RBFOX1: variants seen among roughly 807,000 people sequenced by gnomAD.
RBFOX1 encodes RNA binding fox-1 homolog 1.
In RBFOX1, 8 loss-of-function variants were observed where a neutral mutation model predicts 57.7. The ratio of observed to expected loss-of-function variants is 0.14; its 90% CI spans 0.08 to 0.25. The LOEUF (loss-of-function observed/expected upper bound fraction) is 0.25. Ranked by LOEUF, RBFOX1 falls within the 10% of genes least tolerant of loss-of-function variation. RBFOX1 has a pLI of 1.00. For synonymous variants in RBFOX1, 326 were observed against 222.4 expected, an observed-to-expected ratio of 1.47 and a Z score of -4.15; for missense variants, 611 against 548.5, an observed-to-expected ratio of 1.11 and a Z score of -1.14.
chr16:5,737,458 C>A (rs183901547), intron 3 of RBFOX1, among the ~76,000 whole-genome samples: 2 of 151,124 alleles, frequency 1.3e-5, no homozygotes, highest in African/African-American at 4.9e-5. Context: ...TACACTGCAG[C>A]GTGGGCAACA....
intron 3 of RBFOX1, among the ~76,000 whole-genome samples, chr16:5,761,816 G>T (rs111296278): frequency 6.6e-6 from 1 of 152,180 alleles, no homozygotes; most frequent in Non-Finnish European, 1.5e-5. Context: ...AAGACATTCA[G>T]TGTCAGCAGG....
At chr16:6,732,419 C>A (rs528127822) in intron 3 of RBFOX1, among the ~76,000 whole-genome samples, 1 of 152,336 alleles carries the variant, frequency 6.6e-6, no homozygotes, top group East Asian at 1.9e-4. Context: ...GGCCCAAGCA[C>A]CTGCACTGCA....
intron 14 of RBFOX1, among the ~76,000 whole-genome samples, chr16:7,691,968 G>C (rs927179036): frequency 6.6e-6 from 1 of 152,164 alleles, no homozygotes; most frequent in African/African-American, 2.4e-5. Flanking sequence ...TATCATACCT[G>C]TAGTTAGGAA....
intron 4 of RBFOX1, among the ~76,000 whole-genome samples, chr16:7,432,032 C>G (rs927843612): frequency 6.6e-6 from 1 of 152,206 alleles, no homozygotes. Context: ...ACTTGCTTTC[C>G]TTACACCCAG....
chr16:7,252,020 G>C (rs917220333), intron 4 of RBFOX1, among the ~76,000 whole-genome samples: 2 of 152,166 alleles, frequency 1.3e-5, no homozygotes, highest in African/African-American at 4.8e-5. Flanking sequence ...TACAGTATTT[G>C]GGTGGTGAGA....
At chr16:5,452,795 C>T (rs575014811) in intron 1 of RBFOX1, among the ~76,000 whole-genome samples, 4 of 152,198 alleles carry the variant, frequency 2.6e-5, no homozygotes, top group African/African-American at 9.6e-5. Context: ...AGGCGTGCAC[C>T]ACCACACCTG....
chr16:7,634,821 G>C lies in RBFOX1; in HGVS notation c.757+4138G>C, dbSNP rs111372450. On this transcript the variant is annotated intron_variant, in intron 11 of 15. Coordinates refer to ENST00000550418, the MANE Select transcript of RBFOX1 (RefSeq NM_018723.4). ...CGTCCTAATAAACTACTCTCATCCA[G>C]AGTGTAAAATGGGCCTGCTTTCTAT... is the stretch of plus-strand genomic sequence containing the variant. Among the ~76,000 whole-genome samples, 9 of 152,314 alleles carry C rather than the reference G, an allele frequency of 5.9e-5. No homozygotes were observed. In the South Asian group the frequency reaches 1.9e-3, roughly 32 times the overall value.
intron 4 of RBFOX1, among the ~76,000 whole-genome samples, chr16:7,058,078 TG>T (rs1270803444): frequency 6.6e-6 from 1 of 151,050 alleles, no homozygotes; most frequent in African/African-American, 2.4e-5. Flanking sequence ...GGATATCAGC[TG>T]AACAAAGGAT....
intron 3 of RBFOX1, among the ~76,000 whole-genome samples, chr16:5,679,955 C>G (rs563336269): frequency 5.0e-4 from 76 of 152,238 alleles, no homozygotes; most frequent in Non-Finnish European, 9.7e-4. Flanking sequence ...TCTCTTTCAC[C>G]TAGGAAACAT....
At chr16:7,616,844 T>C (rs2058529477) in intron 10 of RBFOX1, among the ~76,000 whole-genome samples, 1 of 152,238 alleles carries the variant, frequency 6.6e-6, no homozygotes, top group Non-Finnish European at 1.5e-5. Flanking sequence ...AAAATAGTTT[T>C]ATCAGGCAGA....
At chr16:7,699,469 G>C (rs892244140) in intron 14 of RBFOX1, among the ~76,000 whole-genome samples, 3 of 152,150 alleles carry the variant, frequency 2.0e-5, no homozygotes, top group Non-Finnish European at 4.4e-5. Context: ...TGCGAGTACA[G>C]GCACGGGCCC....
intron 4 of RBFOX1, chr16:7,332,662 CTCTCTCTCTG>C: frequency 2.4e-6 from 1 of 418,390 alleles, no homozygotes; most frequent in Non-Finnish European, 3.2e-6. Context: ...GTCTCTTGGT[CTCTCTCTCTG>C]TCTCTCTCTC....
intron 3 of RBFOX1, among the ~76,000 whole-genome samples, chr16:6,654,938 T>G (rs1158851887): frequency 2.6e-5 from 4 of 152,138 alleles, no homozygotes; most frequent in Admixed American, 2.0e-4. Context: ...CTTTAACACT[T>G]GTCACATTGA....
intron 3 of RBFOX1, among the ~76,000 whole-genome samples, chr16:5,793,305 G>C (rs1037834942): frequency 1.3e-5 from 2 of 152,232 alleles, no homozygotes; most frequent in Non-Finnish European, 2.9e-5. Context: ...CCGAAACTCA[G>C]CTTAACCGTG....
chr16:6,332,906 A>G (rs2083211038), intron 2 of RBFOX1, among the ~76,000 whole-genome samples: 1 of 152,232 alleles, frequency 6.6e-6, no homozygotes, highest in Non-Finnish European at 1.5e-5. Context: ...TAGATGATCA[A>G]TATATTAGCT....
chr16:6,968,890 G>T (rs532264227), intron 3 of RBFOX1, among the ~76,000 whole-genome samples: 1 of 151,418 alleles, frequency 6.6e-6, no homozygotes, highest in East Asian at 1.9e-4. Flanking sequence ...TCTTGGCTCT[G>T]TGTCAGGATT....
intron 3 of RBFOX1, among the ~76,000 whole-genome samples, chr16:6,866,541 A>ATTTTTTTTTTTTT (rs56678526): frequency 0.022 from 1,726 of 78,818 alleles, 269 homozygotes; most frequent in Middle Eastern, 0.034. Flanking sequence ...CTTTCCTTCT[A>ATTTTTTTTTTTTT]TTTTTTTTTT....
chr16:6,642,004 A>G (rs1014816838), intron 2 of RBFOX1, among the ~76,000 whole-genome samples: 2 of 152,198 alleles, frequency 1.3e-5, no homozygotes, highest in African/African-American at 4.8e-5. Flanking sequence ...GGGATTATCC[A>G]GGAGGCTGAC....
chr16:6,602,861 C>G (rs908654992), intron 2 of RBFOX1, among the ~76,000 whole-genome samples: 1 of 152,092 alleles, frequency 6.6e-6, no homozygotes, highest in Non-Finnish European at 1.5e-5. Context: ...CCATCACATG[C>G]AAATGAAATT....
Sources: allele counts gnomAD v4.1 joint callset (sites outside exome capture counted in the v4.1 genomes callset), GRCh38; gene constraint gnomAD v4.1.1; transcripts MANE v1.5; gene names NCBI Gene and HGNC (gene_info 2026-07-23, HGNC 2026-07-21).